TTC34: variants seen among roughly 807,000 people sequenced by gnomAD.
TTC34 encodes the protein tetratricopeptide repeat domain 34.
A neutral mutation model predicts 40.7 loss-of-function variants in TTC34; 44 were observed. The ratio of observed to expected loss-of-function variants is 1.08; its 90% CI spans 0.85 to 1.39. The LOEUF (loss-of-function observed/expected upper bound fraction) is 1.39, where lower values mean the gene tolerates loss of function less well. Ranked by LOEUF, TTC34 falls within the 40% of genes most tolerant of loss-of-function variation. The pLI is 0.00. For missense variants in TTC34, 884 were observed against 838.0 expected (o/e 1.05, Z -0.68); for synonymous variants, 422 against 398.6 (o/e 1.06, Z -0.70).
At chr1:2,782,779 A>G (rs1360474019) in intron 6 of TTC34, among the ~76,000 whole-genome samples, 2 of 152,072 alleles carry the variant, frequency 1.3e-5, no homozygotes, top group African/African-American at 4.8e-5. Context: ...TTTACAGAGG[A>G]GGAAACTGAG....
At chr1:2,787,405 G>T in intron 4 of TTC34, 76 bp downstream of exon 4, 1 of 1,345,644 alleles carries the variant, frequency 7.4e-7, no homozygotes, top group Non-Finnish European at 9.9e-7. Flanking sequence ...CAGCGCCAGG[G>T]CCACGGGAGG....
intron 2 of TTC34, among the ~76,000 whole-genome samples, chr1:2,795,846 C>T (rs961511385): frequency 1.3e-5 from 2 of 152,204 alleles, no homozygotes; most frequent in African/African-American, 4.8e-5. Context: ...CCTCATACAT[C>T]GTGTATCGCT....
intron 6 of TTC34, among the ~76,000 whole-genome samples, chr1:2,758,155 C>T (rs1641568461): frequency 3.4e-5 from 5 of 145,638 alleles, no homozygotes; most frequent in African/African-American, 1.3e-4. Flanking sequence ...CACCCACATC[C>T]CCAGGTGAGC....
intron 6 of TTC34, among the ~76,000 whole-genome samples, chr1:2,750,256 A>G (rs1641271284): frequency 1.4e-5 from 2 of 148,076 alleles, no homozygotes; most frequent in East Asian, 2.0e-4. Flanking sequence ...ACAGGTGGGC[A>G]TCTGACAGCC....
chr1:2,647,214 A>G (rs898460522), intron 6 of TTC34, among the ~76,000 whole-genome samples: 2 of 151,914 alleles, frequency 1.3e-5, no homozygotes, highest in Non-Finnish European at 2.9e-5. Context: ...ATACCTGTGT[A>G]TATTTGTCCC....
chr1:2,752,351 G>T (rs1367483284), intron 6 of TTC34, among the ~76,000 whole-genome samples: 8 of 13,744 alleles, frequency 5.8e-4, no homozygotes, highest in Admixed American at 9.2e-4. Context: ...GCATCTGACC[G>T]CCTGGAACAG....
chr1:2,749,557 C>A (rs1413697364), intron 6 of TTC34, among the ~76,000 whole-genome samples: 5 of 68,786 alleles, frequency 7.3e-5, no homozygotes, highest in Middle Eastern at 6.0e-3. Flanking sequence ...AATAGCAGCA[C>A]CCACACCCCC....
intron 6 of TTC34, among the ~76,000 whole-genome samples, chr1:2,760,038 AC>A (rs1641644663): frequency 2.7e-5 from 3 of 109,340 alleles, no homozygotes; most frequent in Admixed American, 8.6e-5. Context: ...AGCAGCGCCC[AC>A]ACACCCAAGT....
At chr1:2,771,479 C>T (rs1642125423) in intron 6 of TTC34, among the ~76,000 whole-genome samples, 2 of 81,654 alleles carry the variant, frequency 2.4e-5, no homozygotes, top group Non-Finnish European at 2.2e-5. Context: ...GAACAGCATC[C>T]ACACCCCCAG....
chr1:2,796,037 T>C lies in TTC34; in HGVS notation c.784+4007A>G, dbSNP rs1643707343. On this transcript the variant is annotated intron_variant, in intron 2 of 8. Coordinates refer to ENST00000401095, the Ensembl canonical transcript of TTC34. The surrounding 1 kb of genome is among the most constrained non-coding windows in gnomAD (Gnocchi z 4.5). ...GAGGGCTCTGCTCTTGTGGGTGGGA[T>C]TAATGCAAGTTCAGCCCCTTTCGCC... 6.6e-6 allele frequency among the ~76,000 whole-genome samples: 1 copy of C among 152,218 alleles called. No homozygotes were observed. Among genetic ancestry groups the C allele is most frequent in the South Asian group, 2.1e-4 (1 of 4,832 alleles).
chr1:2,757,057 GGACCCACACCCC>G (rs1641530781), intron 6 of TTC34, among the ~76,000 whole-genome samples: 7 of 148,686 alleles, frequency 4.7e-5, no homozygotes, highest in South Asian at 2.1e-4. Flanking sequence ...GCCTGGAACA[GGACCCACACCCC>G]CAGGCGAGCA....
Position 2,645,157 on chromosome 1 carries a change from T to A in TTC34, c.2497+136A>T. 1 of 1,086,996 alleles carries A rather than the reference T, an allele frequency of 9.2e-7. No homozygotes were observed. Among genetic ancestry groups the A allele is most frequent in the Non-Finnish European group, 1.2e-6 (1 of 819,112 alleles). The allele number at this position is 1,086,996 out of a possible 1,614,324, so 67.3% of individuals were successfully genotyped here. A position where few individuals can be genotyped will look rare whatever the true frequency, so the allele number is the denominator to read the frequency against. On this transcript the variant is annotated intron_variant, in intron 7 of 8. Coordinates refer to ENST00000401095, the Ensembl canonical transcript of TTC34. The surrounding 1 kb of genome is among the most constrained non-coding windows in gnomAD (Gnocchi z 4.7). ...GGAGCAGGGCCAGAGGTCATGGGAT[T>A]TGGGGTGGAAGGGACCTTGGAAGCT... is the stretch of plus-strand genomic sequence containing the variant.
chr1:2,792,745 T>A (rs1369088791), intron 2 of TTC34, among the ~76,000 whole-genome samples: 2 of 152,226 alleles, frequency 1.3e-5, no homozygotes, highest in Admixed American at 1.3e-4. Context: ...TGTGGCTCCC[T>A]CCTTTTCAAG....
chr1:2,755,800 G>C (rs1641485407), intron 6 of TTC34, among the ~76,000 whole-genome samples: 1 of 126,980 alleles, frequency 7.9e-6, no homozygotes, highest in African/African-American at 3.4e-5. Context: ...GTGAGCATCT[G>C]ATGGTCTGGA....
chr1:2,773,730 A>C, intron 6 of TTC34: 2 of 112,152 alleles, frequency 1.8e-5, no homozygotes, highest in South Asian at 3.9e-4. Flanking sequence ...CTGGAACAGC[A>C]TCTACAGCCC....
chr1:2,777,371 C>G (rs1643258749), intron 6 of TTC34, among the ~76,000 whole-genome samples: 2 of 151,638 alleles, frequency 1.3e-5, no homozygotes, highest in South Asian at 4.2e-4. Flanking sequence ...AGCAACACCC[C>G]ACACCTCCAG....
rs1570763576 is a variant in TTC34, at chr1:2,656,361, G to A, written c.2227-10798C>T. On this transcript the variant is annotated intron_variant, in intron 6 of 8. Coordinates refer to ENST00000401095, the Ensembl canonical transcript of TTC34. ...CCCCAGGTGAGCATCTGACAGCCTG[G>A]AACAGCACCCACACCCACAGGTGAG... Among the ~76,000 whole-genome samples, 54 of 133,636 alleles carry A rather than the reference G, an allele frequency of 4.0e-4. No homozygotes were observed. In the Middle Eastern group the frequency reaches 0.013, roughly 31 times the overall value. The allele number at this position is 133,636 out of a possible 152,430, so 87.7% of individuals were successfully genotyped here.
chr1:2,685,835 C>A (rs796339254), intron 6 of TTC34, among the ~76,000 whole-genome samples: 3,267 of 34,886 alleles, frequency 0.094, 10 homozygotes, highest in African/African-American at 0.13. Flanking sequence ...AACGGCACCC[C>A]CATGCCCAGG....
chr1:2,641,954 G>T (rs1415146915), intron 8 of TTC34, 59 bp from the exon 9 acceptor site: 3 of 1,425,544 alleles, frequency 2.1e-6, no homozygotes, highest in South Asian at 1.5e-5. Flanking sequence ...AAGCCCGGCC[G>T]CCCCTGCCCT....
Sources: allele counts gnomAD v4.1 joint callset (sites outside exome capture counted in the v4.1 genomes callset), GRCh38; gene constraint gnomAD v4.1.1; non-coding constraint Gnocchi (gnomAD v3.1); transcripts MANE v1.5; gene names NCBI Gene and HGNC (gene_info 2026-07-23, HGNC 2026-07-21).